CYP4F12: variants seen among roughly 807,000 people sequenced by gnomAD.
CYP4F12 encodes cytochrome P450 4F12.
CYP4F12 carries 60 observed loss-of-function variants against 56.5 expected under a neutral mutation model. The observed-to-expected ratio is 1.06, with a 90% confidence interval of 0.86 to 1.32. CYP4F12 has a LOEUF of 1.32. Among genes scored for constraint, CYP4F12 ranks in the 40% most tolerant of loss-of-function variants. The probability of loss-of-function intolerance (pLI) is 0.00; values close to 1 mark genes in which losing one functional copy is unlikely to be tolerated. For missense variants in CYP4F12, 711 were observed against 683.5 expected, an observed-to-expected ratio of 1.04 and a Z score of -0.45; for synonymous variants, 263 against 264.9, an observed-to-expected ratio of 0.99 and a Z score of 0.07.
chr19:15,676,399 ACTCATTCCTGTG>A (rs2006930216), intron 2 of CYP4F12, among the ~76,000 whole-genome samples: 1 of 68,080 alleles, frequency 1.5e-5, no homozygotes. Flanking sequence ...CTCCTCACTC[ACTCATTCCTGTG>A]CCCATTCACT....
chr19:15,680,822 C>CCTG, intron 5 of CYP4F12: 1 of 397,856 alleles, frequency 2.5e-6, no homozygotes, highest in South Asian at 2.1e-5. Flanking sequence ...CACTTCAGAA[C>CCTG]TCATTGGCTT....
rs3063212 is a variant in CYP4F12 at position 15,684,756 on chromosome 19, T to TTGTGTGTGTGTG, written c.919-28_919-17dup. ...TCCGGAGTCTCAGAGATAGTATAATTTGTGTGTGTGTGTGTGTGTGTGTGT... is the reference window on the plus strand; with the variant it reads ...TCCGGAGTCTCAGAGATAGTATAATTTGTGTGTGTGTGTGTGTGTGTGTGTGTGTGTGTGTGT... On this transcript the variant is annotated intron_variant, in intron 7 of 12. Coordinates refer to ENST00000550308, the MANE Select transcript of CYP4F12 (RefSeq NM_023944.4). 1,234 of 1,044,210 alleles carry TTGTGTGTGTGTG rather than the reference T, an allele frequency of 1.2e-3. 2 individuals are homozygous for TTGTGTGTGTGTG. Among genetic ancestry groups the TTGTGTGTGTGTG allele is most frequent in the African/African-American group, 8.9e-3 (537 of 60,084 alleles). The allele number at this position is 1,044,210 out of a possible 1,614,324, so 64.7% of individuals were successfully genotyped here. A position where few individuals can be genotyped will look rare whatever the true frequency, so the allele number is the denominator to read the frequency against.
intron 2 of CYP4F12, among the ~76,000 whole-genome samples, chr19:15,675,243 G>C (rs1232321321): frequency 6.7e-5 from 5 of 74,848 alleles, no homozygotes; most frequent in African/African-American, 2.0e-4. Context: ...TCCCCTTTGG[G>C]GGATGTGGCC....
chr19:15,680,651 C>A (rs2144722362), intron 5 of CYP4F12, 132 bp downstream of exon 5: 1 of 1,221,184 alleles, frequency 8.2e-7, no homozygotes, highest in Non-Finnish European at 1.2e-6. Context: ...TTGGTTTCCT[C>A]ATCTGTAAAA....
chr19:15,680,604 T>C lies in CYP4F12; in HGVS notation c.525+85T>C, dbSNP rs755305719. On this transcript the variant is annotated intron_variant, in intron 5 of 12. Coordinates refer to ENST00000550308, the MANE Select transcript of CYP4F12 (RefSeq NM_023944.4). ...ATCTGGTCTGGAATTTTGGCTCTTC[T>C]GGGTGGCACTGGGCCATTGCTCTTC... The C allele has an allele frequency of 2.6e-5, 40 of 1,545,948 alleles. 2 individuals carry two copies. The South Asian group carries it at 4.3e-4, about 17-fold the overall frequency.
Position 15,680,311 on chromosome 19 carries a change from G to C in CYP4F12, c.397+14G>C. ...AGCCCTGGCTGGGTGAGTACCTGCA[G>C]GTGAAAGGGGTTGGGGACAACCTTG... On this transcript the variant is annotated intron_variant, in intron 4 of 12. Transcript: ENST00000550308. 6.2e-7 allele frequency: 1 copy of C among 1,612,880 alleles called. No homozygotes were observed. Among genetic ancestry groups the C allele is most frequent in the Non-Finnish European group, 8.5e-7 (1 of 1,179,242 alleles).
rs71176772 is a variant in CYP4F12, at chr19:15,695,503, T to TA, written c.1116-420dup. On this transcript the variant is annotated intron_variant, in intron 9 of 12. Coordinates refer to ENST00000550308, the MANE Select transcript of CYP4F12 (RefSeq NM_023944.4). ...ATGTACCCTAAAAGTATAATAATAATAAAAAAAAAAAAACAAATTGCATGA... is the reference window on the plus strand; with the variant it reads ...ATGTACCCTAAAAGTATAATAATAATAAAAAAAAAAAAAACAAATTGCATGA... 3.4e-3 allele frequency among the ~76,000 whole-genome samples: 381 copies of TA among 112,628 alleles called. 1 individual carries two copies. The highest frequency in any genetic ancestry group is 4.5e-3 in the African/African-American group (101 of 22,492). 73.9% of individuals were successfully genotyped at this position (112,628 alleles called of 152,430 possible).
intron 9 of CYP4F12, among the ~76,000 whole-genome samples, chr19:15,686,423 G>T (rs1367996427): frequency 1.3e-5 from 2 of 152,102 alleles, no homozygotes; most frequent in African/African-American, 4.8e-5. Context: ...CAGGAGAGAG[G>T]GAGAAGAGGG....
At position 15,684,100 on chromosome 19, in the gene CYP4F12, A is replaced by T. The variant is rs115200325; in HGVS notation, c.918+337A>T. 4.7e-3 allele frequency: 820 copies of T among 172,656 alleles called. 7 individuals carry two copies. Among genetic ancestry groups the T allele is most frequent in the African/African-American group, 0.018 (772 of 42,368 alleles). The allele number at this position is 172,656 out of a possible 1,614,324, so 10.7% of individuals were successfully genotyped here. ...ACCCCTGGATCACAGCAGCCCATTA[A>T]TTATTTACAGCAGTAACAGCAGGTG... On this transcript the variant is annotated intron_variant, in intron 7 of 12. Coordinates refer to ENST00000550308, the MANE Select transcript of CYP4F12 (RefSeq NM_023944.4).
rs368519334 is a variant in CYP4F12, at chr19:15,677,588, C to T, written c.199-673C>T. ...CGTTCCTCTCCTCACTCGCTCATTC[C>T]TCTCCTCACTCACTCGTTCCTCTCC... On this transcript the variant is annotated intron_variant, in intron 2 of 12. Transcript: ENST00000550308. 1.5e-3 allele frequency among the ~76,000 whole-genome samples: 11 copies of T among 7,360 alleles called. 5 individuals are homozygous for T. Among genetic ancestry groups the T allele is most frequent in the East Asian group, 0.071 (2 of 28 alleles). 4.8% of individuals were successfully genotyped at this position (7,360 alleles called of 152,430 possible).
intron 3 of CYP4F12, 93 bp downstream of exon 3, chr19:15,678,498 T>A: frequency 1.4e-6 from 2 of 1,476,446 alleles, no homozygotes; most frequent in Non-Finnish European, 1.9e-6. Flanking sequence ...CTCGTGCCCC[T>A]CATTGAGACT....
At position 15,677,136 on chromosome 19, in the gene CYP4F12, C is replaced by T. The variant is rs138879603; in HGVS notation, c.199-1125C>T. 2.5e-3 allele frequency among the ~76,000 whole-genome samples: 261 copies of T among 106,414 alleles called. 22 individuals carry two copies. Among genetic ancestry groups the T allele is most frequent in the Middle Eastern group, 5.4e-3 (1 of 186 alleles). The allele number at this position is 106,414 out of a possible 152,430, so 69.8% of individuals were successfully genotyped here. A position where few individuals can be genotyped will look rare whatever the true frequency, so the allele number is the denominator to read the frequency against. On this transcript the variant is annotated intron_variant, in intron 2 of 12. Coordinates refer to ENST00000550308, the MANE Select transcript of CYP4F12 (RefSeq NM_023944.4). ...GCTCACTCACTCATTCATATCCTCA[C>T]TCACTCATTCCTCTACCCACACTCA...
chr19:15,686,833 G>C lies in CYP4F12; in HGVS notation c.1115+1636G>C, dbSNP rs111586794. ...GGGCAGGGGCTGGGGATGGAGAGGA[G>C]GCAATGGACTGGACATGTGTTTTGG... On this transcript the variant is annotated intron_variant, in intron 9 of 12. Transcript: ENST00000550308. Among the ~76,000 whole-genome samples, 1,298 of 152,276 alleles carry C rather than the reference G, an allele frequency of 8.5e-3. 14 individuals carry two copies. The highest frequency in any genetic ancestry group is 0.03 in the African/African-American group (1,232 of 41,538).
Position 15,680,533 on chromosome 19 carries a change from A to T in CYP4F12, c.525+14A>T. 1 of 1,614,064 alleles carries T rather than the reference A, an allele frequency of 6.2e-7. No homozygotes were observed. The highest frequency in any genetic ancestry group is 8.5e-7 in the Non-Finnish European group (1 of 1,180,016). Reference sequence around the variant, plus strand: ...AACATCATGCTTGTGAGTCCCTTGAAGTCTGGGTCCCAGATGGAGTCTTGG... The same window carrying T: ...AACATCATGCTTGTGAGTCCCTTGATGTCTGGGTCCCAGATGGAGTCTTGG... On this transcript the variant is annotated intron_variant, in intron 5 of 12. Coordinates refer to ENST00000550308, the MANE Select transcript of CYP4F12 (RefSeq NM_023944.4).
intron 2 of CYP4F12, among the ~76,000 whole-genome samples, chr19:15,675,138 T>G (rs115329863): frequency 0.024 from 3,593 of 151,262 alleles, 17 homozygotes; most frequent in African/African-American, 0.084. Flanking sequence ...CAGTGAGCCC[T>G]GTAGCCCAAC....
In CYP4F12 at chr19:15,680,468, C is replaced by T; in HGVS notation, c.474C>T (p.Asn158=). The T allele has an allele frequency of 1.2e-6, 2 of 1,614,182 alleles. No homozygotes were observed. The highest frequency in any genetic ancestry group is 1.7e-5 in the Admixed American group (1 of 60,026). Residue 158 remains asparagine, a synonymous_variant, in exon 5 of 13, where the codon AAC becomes AAT. Transcript: ENST00000550308. ...TGCTGACGCCCGCCTTCCATTTCAA[C>T]ATCCTGAAGTCCTATATAACGATCT... ...RRMLTPAFHF[N]ILKSYITIFN...
rs1329208572 is a variant in CYP4F12 at position 15,673,541 on chromosome 19, G to C, written c.12G>C (p.Leu4=). 7 of 1,613,480 alleles carry C rather than the reference G, an allele frequency of 4.3e-6. No homozygotes were observed. The highest frequency in any genetic ancestry group is 5.9e-6 in the Non-Finnish European group (7 of 1,179,882). The change falls in exon 2 of 13, where the codon CTG becomes CTC. Residue 4 remains leucine (L), a synonymous_variant. Transcript: ENST00000550308. MSL[L]SLPWLGLRPV... is the part of the protein sequence containing the mutation. ...CTCTGCCCTGCAGGATGTCGCTGCT[G>C]AGCCTGCCCTGGCTGGGCCTCAGAC...
intron 6 of CYP4F12, 77 bp downstream of exon 6, chr19:15,682,587 G>T: frequency 1.3e-6 from 2 of 1,586,592 alleles, no homozygotes; most frequent in South Asian, 1.1e-5. Flanking sequence ...AATGAGCAAA[G>T]TAACCAGAAG....
chr19:15,695,508 A>T (rs200227145), intron 9 of CYP4F12, among the ~76,000 whole-genome samples: 12,978 of 139,462 alleles, frequency 0.093, 1,542 homozygotes, highest in East Asian at 0.57. Context: ...AATAATAAAA[A>T]AAAAAAAACA....
Sources: gnomAD v4.1 joint callset for allele counts (sites outside exome capture counted in the v4.1 genomes callset) on GRCh38, gnomAD v4.1.1 for gene constraint, MANE v1.5 for transcripts, NCBI Gene and HGNC (gene_info 2026-07-23, HGNC 2026-07-21) for gene names.